The following CGNL1 variants were observed in gnomAD, a reference collection of about 807,000 sequenced individuals.
CGNL1 encodes the protein cingulin-like protein 1.
In CGNL1, 132 loss-of-function variants were observed where a neutral mutation model predicts 141.2. That is an observed-to-expected ratio of 0.93 (90% CI 0.81 to 1.08). CGNL1 has a LOEUF of 1.08. Among genes scored for constraint, CGNL1 ranks in the 50% least tolerant of loss-of-function variants. CGNL1 has a pLI of 0.00. For synonymous variants in CGNL1, 690 were observed against 622.1 expected (o/e 1.11, Z -1.63); for missense variants, 1,870 against 1,588.6 (o/e 1.18, Z -3.01).
chr15:57,409,285 C>T lies in CGNL1; in HGVS notation c.-15-28700C>T, dbSNP rs116373649. 4.3e-3 allele frequency among the ~76,000 whole-genome samples: 662 copies of T among 152,252 alleles called. 7 individuals carry two copies. The highest frequency in any genetic ancestry group is 0.015 in the African/African-American group (636 of 41,538). On this transcript the variant is annotated intron_variant, in intron 1 of 18. Coordinates refer to ENST00000281282, the MANE Select transcript of CGNL1 (RefSeq NM_032866.5). ...TGGAGACGTGTGAGTAGGTGCAGAG[C>T]CTGCGCAGGGGAGGCACATGGGCTG... is the stretch of plus-strand genomic sequence containing the variant.
Position 57,438,076 on chromosome 15 carries a change from C to T in CGNL1, c.77C>T (p.Thr26Ile). 4 of 1,613,996 alleles carry T rather than the reference C, an allele frequency of 2.5e-6. No homozygotes were observed. The highest frequency in any genetic ancestry group is 2.5e-6 in the Non-Finnish European group (3 of 1,179,980). Residue 26 changes from threonine (T) to isoleucine (I), a missense_variant, in exon 2 of 19, where the codon ACC becomes ATC. Coordinates refer to ENST00000281282, the MANE Select transcript of CGNL1 (RefSeq NM_032866.5). ...GVHLRLASDD[T>I]QKSRSSQNSK... ...CATCTGAGACTCGCAAGTGATGATA[C>T]CCAAAAATCAAGGAGTTCCCAGAAC...
intron 8 of CGNL1, among the ~76,000 whole-genome samples, chr15:57,493,779 G>A (rs1376168640): frequency 1.3e-5 from 2 of 152,174 alleles, no homozygotes; most frequent in Non-Finnish European, 2.9e-5. Flanking sequence ...TCTCAGATTC[G>A]ATGCTGTTCT....
chr15:57,391,981 C>CG (rs11427144), intron 1 of CGNL1, among the ~76,000 whole-genome samples: 9 of 151,200 alleles, frequency 6.0e-5, no homozygotes, highest in East Asian at 5.9e-4. Flanking sequence ...TTTCCCCCCC[C>CG]TCACCTGACA....
intron 1 of CGNL1, among the ~76,000 whole-genome samples, chr15:57,437,488 T>C (rs1172174607): frequency 2.7e-5 from 4 of 150,736 alleles, no homozygotes; most frequent in African/African-American, 9.7e-5. Flanking sequence ...CAAAGAAAAA[T>C]GGTGAGCGTC....
chr15:57,541,382 A>G (rs1424394901), intron 14 of CGNL1, among the ~76,000 whole-genome samples: 2 of 152,208 alleles, frequency 1.3e-5, no homozygotes, highest in Non-Finnish European at 2.9e-5. Context: ...GTGAGGTGTC[A>G]GTGGCTGGTT....
chr15:57,449,704 T>A (rs2063298850), intron 4 of CGNL1, among the ~76,000 whole-genome samples: 1 of 152,244 alleles, frequency 6.6e-6, no homozygotes, highest in African/African-American at 2.4e-5. Context: ...AAATCCTGTG[T>A]GTTCTGCCTG....
intron 1 of CGNL1, among the ~76,000 whole-genome samples, chr15:57,389,630 T>C (rs1254209083): frequency 6.6e-6 from 1 of 152,212 alleles, no homozygotes; most frequent in Non-Finnish European, 1.5e-5. Context: ...GCCTTATGTA[T>C]AGGAGTGCTC....
intron 1 of CGNL1, among the ~76,000 whole-genome samples, chr15:57,419,739 G>A (rs975998839): frequency 1.3e-5 from 2 of 152,104 alleles, no homozygotes; most frequent in East Asian, 1.9e-4. Flanking sequence ...TAAAGCATGT[G>A]CTTGGCTCAA....
chr15:57,434,078 G>C (rs1444152803), intron 1 of CGNL1, among the ~76,000 whole-genome samples: 1 of 152,160 alleles, frequency 6.6e-6, no homozygotes, highest in African/African-American at 2.4e-5. Flanking sequence ...ATGAAAAGTA[G>C]GGGCCAAAAC....
chr15:57,440,413 A>T lies in CGNL1; in HGVS notation c.1639A>T (p.Thr547Ser). The change falls in exon 3 of 19, where the codon ACT becomes TCT. Residue 547 changes from threonine to serine, a missense_variant. By Grantham distance (58) the Thr-to-Ser change is moderately conservative. Transcript: ENST00000281282. ...PDLLKGQQEL[T>S]QQTNEETAKQ... Reference sequence around the variant, plus strand: ...TCTCTTAAAGGGCCAGCAAGAGCTCACTCAGCAAACCAATGAGGAGACAGC... The same window carrying T: ...TCTCTTAAAGGGCCAGCAAGAGCTCTCTCAGCAAACCAATGAGGAGACAGC... 6.2e-7 allele frequency: 1 copy of T among 1,602,940 alleles called. No individual in the cohort carries two copies. Among genetic ancestry groups the T allele is most frequent in the Middle Eastern group, 1.7e-4 (1 of 6,046 alleles).
Position 57,502,399 on chromosome 15 carries a change from T to A in CGNL1, c.2404-14381T>A, listed in dbSNP as rs990875242. On this transcript the variant is annotated intron_variant, in intron 8 of 18. Transcript: ENST00000281282. ...CCGGGGCAGAGGCTGAATGGCTGCT[T>A]ATCTTCCACAGATATGGGGGAAGGT... 9.9e-5 allele frequency among the ~76,000 whole-genome samples: 15 copies of A among 152,174 alleles called. 1 individual carries two copies. Among genetic ancestry groups the A allele is most frequent in the African/African-American group, 3.4e-4 (14 of 41,444 alleles).
At chr15:57,538,728 C>T in intron 14 of CGNL1, among the ~76,000 whole-genome samples, 1 of 152,172 alleles carries the variant, frequency 6.6e-6, no homozygotes, top group East Asian at 1.9e-4. Context: ...GACCACTTGG[C>T]CATCCTGGAA....
At chr15:57,417,164 C>T (rs1166207786) in intron 1 of CGNL1, among the ~76,000 whole-genome samples, 2 of 152,158 alleles carry the variant, frequency 1.3e-5, no homozygotes, top group African/African-American at 4.8e-5. Context: ...TTTATTACTG[C>T]ACTATTACGT....
chr15:57,504,751 C>A (rs2064077501), intron 8 of CGNL1, among the ~76,000 whole-genome samples: 1 of 152,178 alleles, frequency 6.6e-6, no homozygotes, highest in Admixed American at 6.5e-5. Flanking sequence ...CCTGCCACTT[C>A]TTGCATTTCC....
Position 57,438,771 on chromosome 15 carries a change from A to T in CGNL1, c.772A>T (p.Thr258Ser). 1 of 1,614,138 alleles carries T rather than the reference A, an allele frequency of 6.2e-7. No individual in the cohort carries two copies. The highest frequency in any genetic ancestry group is 8.5e-7 in the Non-Finnish European group (1 of 1,180,018). The change falls in exon 2 of 19, where the codon ACT becomes TCT. Residue 258 changes from threonine (T) to serine (S), a missense_variant. Thr to Ser is a moderately conservative substitution (Grantham distance 58). Coordinates refer to ENST00000281282, the MANE Select transcript of CGNL1 (RefSeq NM_032866.5). ...CCTTTTCACTAGCGGGAGGCCCCTG[A>T]CTGCCCACAGCCCACATGCCCACCC... ...EALFTSGRPL[T>S]AHSPHAHPET... is the part of the protein sequence containing the mutation.
intron 1 of CGNL1, among the ~76,000 whole-genome samples, chr15:57,395,560 T>C (rs1365319819): frequency 6.6e-6 from 1 of 152,206 alleles, no homozygotes. Context: ...CTGGGCATGG[T>C]GTATTGCACA....
At chr15:57,472,243 A>G (rs2063591503) in intron 8 of CGNL1, among the ~76,000 whole-genome samples, 1 of 152,078 alleles carries the variant, frequency 6.6e-6, no homozygotes, top group African/African-American at 2.4e-5. Context: ...AGGAAATAGC[A>G]TGTGCAAGGG....
intron 15 of CGNL1, 55 bp downstream of exon 15, chr15:57,543,834 A>G: frequency 7.4e-7 from 1 of 1,346,976 alleles, no homozygotes; most frequent in Non-Finnish European, 1.1e-6. Flanking sequence ...ACCCTCCCCC[A>G]CTTCACTGCT....
chr15:57,504,306 C>T (rs1595773999), intron 8 of CGNL1, among the ~76,000 whole-genome samples: 3 of 152,292 alleles, frequency 2.0e-5, no homozygotes, highest in South Asian at 2.1e-4. Flanking sequence ...AGGTAGTTGA[C>T]GGGCTCAGAG....
Sources: allele counts gnomAD v4.1 joint callset (sites outside exome capture counted in the v4.1 genomes callset), GRCh38; gene constraint gnomAD v4.1.1; transcripts MANE v1.5; gene names NCBI Gene and HGNC (gene_info 2026-07-23, HGNC 2026-07-21).